M1AP: variants seen among roughly 807,000 people sequenced by gnomAD.
M1AP encodes meiosis 1 arrest protein.
In M1AP, 39 loss-of-function variants were observed where a neutral mutation model predicts 51.2. The observed-to-expected ratio is 0.76, with a 90% CI of 0.59 to 1.00. The LOEUF (loss-of-function observed/expected upper bound fraction) is 1.00, where lower values mean the gene tolerates loss of function less well. Ranked by LOEUF, M1AP falls within the 50% of genes least tolerant of loss-of-function variation. M1AP has a pLI of 0.00. For missense variants in M1AP, 545 were observed against 641.2 expected, an observed-to-expected ratio of 0.85 and a Z score of 1.62; for synonymous variants, 251 against 249.2, an observed-to-expected ratio of 1.01 and a Z score of -0.07.
At chr2:74,617,905 G>A in intron 2 of M1AP, among the ~76,000 whole-genome samples, 2 of 152,156 alleles carry the variant, frequency 1.3e-5, no homozygotes, top group Non-Finnish European at 2.9e-5. Flanking sequence ...CAAACTGACT[G>A]CTTAGTCTGT....
chr2:74,597,026 GTGA>G (rs1397113015), intron 4 of M1AP, among the ~76,000 whole-genome samples: 1 of 152,190 alleles, frequency 6.6e-6, no homozygotes, highest in South Asian at 2.1e-4. Context: ...TATATTGATC[GTGA>G]TGATGATTTG....
chr2:74,644,865 A>C (rs1683509624), intron 1 of M1AP, among the ~76,000 whole-genome samples: 2 of 152,174 alleles, frequency 1.3e-5, no homozygotes, highest in Admixed American at 6.5e-5. Context: ...ACACAGAGAA[A>C]TTCACACAAA....
chr2:74,563,766 A>G (rs1379064930), intron 7 of M1AP, among the ~76,000 whole-genome samples: 1 of 152,166 alleles, frequency 6.6e-6, no homozygotes, highest in Non-Finnish European at 1.5e-5. Flanking sequence ...AGAGGGTGGC[A>G]CTTTGCCATG....
chr2:74,565,975 C>T (rs750972499), intron 7 of M1AP, among the ~76,000 whole-genome samples: 1 of 152,124 alleles, frequency 6.6e-6, no homozygotes, highest in Non-Finnish European at 1.5e-5. Flanking sequence ...AAATCCACAG[C>T]TAACCTCATA....
At chr2:74,637,250 T>C (rs1244990576) in intron 2 of M1AP, among the ~76,000 whole-genome samples, 1 of 152,242 alleles carries the variant, frequency 6.6e-6, no homozygotes, top group Non-Finnish European at 1.5e-5. Flanking sequence ...CTAGTGTATT[T>C]TCCATGCCAG....
At chr2:74,573,129 C>A (rs1033546372) in intron 7 of M1AP, among the ~76,000 whole-genome samples, 1 of 152,198 alleles carries the variant, frequency 6.6e-6, no homozygotes, top group Admixed American at 6.5e-5. Context: ...TCACTGCAAC[C>A]TCCGCCTCCC....
chr2:74,560,388 T>G, intron 8 of M1AP, 97 bp from the exon 9 acceptor site: 1 of 1,308,272 alleles, frequency 7.6e-7, no homozygotes, highest in South Asian at 1.5e-5. Context: ...CTGGAGGAAG[T>G]GTGAAACCCC....
chr2:74,647,734 A>C (rs1309399485), intron 1 of M1AP, among the ~76,000 whole-genome samples: 1 of 151,996 alleles, frequency 6.6e-6, no homozygotes, highest in Non-Finnish European at 1.5e-5. Flanking sequence ...TCTACTAAAA[A>C]TATAAAAAAA....
chr2:74,615,696 T>G (rs375671448), intron 2 of M1AP: 1 of 153,366 alleles, frequency 6.5e-6, no homozygotes, highest in Admixed American at 6.4e-5. Context: ...GGAGCCAACA[T>G]GTTAAACCGA....
intron 4 of M1AP, among the ~76,000 whole-genome samples, chr2:74,598,379 G>C (rs1680467119): frequency 7.6e-6 from 1 of 130,964 alleles, no homozygotes; most frequent in Non-Finnish European, 1.5e-5. Flanking sequence ...GAGACTCCAT[G>C]TCAATAAATA....
chr2:74,606,652 A>T lies in M1AP; in HGVS notation c.595+403T>A, dbSNP rs891335759. Among the ~76,000 whole-genome samples, 5 of 152,162 alleles carry T rather than the reference A, an allele frequency of 3.3e-5. No homozygotes were observed. In the South Asian group the frequency reaches 1.0e-3, roughly 32 times the overall value. ...TTAGAAGGGATAGCCCAATCCCTTCAAAGTGATTAGGGGAGAAAGGAATTT... is the reference window on the plus strand; with the variant it reads ...TTAGAAGGGATAGCCCAATCCCTTCTAAGTGATTAGGGGAGAAAGGAATTT... On this transcript the variant is annotated intron_variant, in intron 4 of 10. Coordinates refer to ENST00000421985, the MANE Select transcript of M1AP (RefSeq NM_001321739.2).
chr2:74,576,704 A>G, intron 5 of M1AP, 86 bp from the exon 6 acceptor site: 1 of 1,458,980 alleles, frequency 6.9e-7, no homozygotes, highest in Non-Finnish European at 9.4e-7. Context: ...TATGCCATTA[A>G]GAGACAACAT....
chr2:74,633,063 T>C (rs1292237610), intron 2 of M1AP, among the ~76,000 whole-genome samples: 2 of 152,158 alleles, frequency 1.3e-5, no homozygotes, highest in African/African-American at 2.4e-5. Context: ...AGGTGATCCA[T>C]AGGGACTGAT....
intron 3 of M1AP, among the ~76,000 whole-genome samples, chr2:74,610,307 C>T (rs1301975050): frequency 1.3e-5 from 2 of 151,602 alleles, no homozygotes; most frequent in Non-Finnish European, 2.9e-5. Flanking sequence ...CTGCACCTGG[C>T]CCACTTCAAT....
intron 7 of M1AP, among the ~76,000 whole-genome samples, chr2:74,567,411 A>G (rs1295457079): frequency 1.3e-5 from 2 of 152,242 alleles, no homozygotes; most frequent in Non-Finnish European, 2.9e-5. Context: ...CACTCCTGCA[A>G]TCAATATGCT....
intron 4 of M1AP, among the ~76,000 whole-genome samples, chr2:74,587,712 G>C (rs553499200): frequency 7.0e-4 from 107 of 152,244 alleles, no homozygotes; most frequent in African/African-American, 2.3e-3. Flanking sequence ...AGATGAACGG[G>C]TCACACCAAT....
At chr2:74,588,198 G>T (rs1291868863) in intron 4 of M1AP, among the ~76,000 whole-genome samples, 5 of 152,144 alleles carry the variant, frequency 3.3e-5, no homozygotes. Flanking sequence ...ATGGGCTTCA[G>T]ACATTCTGAG....
At chr2:74,648,192 C>T (rs1312353558) in intron 1 of M1AP, 73 bp downstream of exon 1, 1 of 959,810 alleles carries the variant, frequency 1.0e-6, no homozygotes, top group Non-Finnish European at 1.2e-6. Flanking sequence ...TCGGCCCACG[C>T]CCAGCCCAGC....
intron 4 of M1AP, among the ~76,000 whole-genome samples, chr2:74,600,397 T>A (rs1326634846): frequency 6.6e-6 from 1 of 152,214 alleles, no homozygotes; most frequent in Non-Finnish European, 1.5e-5. Context: ...GGCTCAGAAT[T>A]TATTTAAAAA....
Sources: gnomAD v4.1 joint callset for allele counts (sites outside exome capture counted in the v4.1 genomes callset) on GRCh38, gnomAD v4.1.1 for gene constraint, MANE v1.5 for transcripts, NCBI Gene and HGNC (gene_info 2026-07-23, HGNC 2026-07-21) for gene names.